The following LRRC7 variants were observed in gnomAD, a reference collection of about 807,000 sequenced individuals.
LRRC7 encodes the protein leucine-rich repeat-containing protein 7.
A neutral mutation model predicts 175.7 loss-of-function variants in LRRC7; 23 were observed. The observed-to-expected ratio is 0.13, with a 90% confidence interval of 0.09 to 0.19. The LOEUF is 0.19. Among genes scored for constraint, LRRC7 ranks in the 10% least tolerant of loss-of-function variants. The pLI, the probability that LRRC7 is intolerant of heterozygous loss-of-function variation, is 1.00. For missense variants in LRRC7, 1,354 were observed against 1,904.7 expected (o/e 0.71, Z 5.38); for synonymous variants, 685 against 680.9 (o/e 1.01, Z -0.09).
At chr1:70,022,212 T>C (rs1164295081) in intron 16 of LRRC7, 1 of 152,198 alleles carries the variant, frequency 6.6e-6, no homozygotes, top group African/African-American at 2.4e-5. Flanking sequence ...AGAGACATCT[T>C]TTTGAACTTG....
At chr1:69,859,065 C>A (rs1684059488) in intron 7 of LRRC7, among the ~76,000 whole-genome samples, 1 of 152,082 alleles carries the variant, frequency 6.6e-6, no homozygotes, top group South Asian at 2.1e-4. Context: ...GGTAACTGAT[C>A]AGGAATTGAA....
At chr1:69,793,836 T>C (rs377312344) in intron 4 of LRRC7, among the ~76,000 whole-genome samples, 2 of 152,134 alleles carry the variant, frequency 1.3e-5, no homozygotes, top group South Asian at 4.1e-4. Context: ...AATTCATAAA[T>C]GAATGATTGT....
intron 1 of LRRC7, among the ~76,000 whole-genome samples, chr1:69,638,722 T>G (rs1653762065): frequency 6.6e-6 from 1 of 151,868 alleles, no homozygotes; most frequent in Non-Finnish European, 1.5e-5. Flanking sequence ...CATAGAGATC[T>G]GTTCAAATGA....
At position 69,882,705 on chromosome 1, in the gene LRRC7, C is replaced by T. The variant is rs189557854; in HGVS notation, c.647+44422C>T. Among the ~76,000 whole-genome samples the T allele has an allele frequency of 6.0e-5, 9 of 150,306 alleles. No individual in the cohort carries two copies. The East Asian group carries it at 1.6e-3, about 26-fold the overall frequency. On this transcript the variant is annotated intron_variant, in intron 7 of 26. Coordinates refer to ENST00000651989, the MANE Select transcript of LRRC7 (RefSeq NM_001370785.2). ...TGTATACATGTGCCATGCTGGTGTG[C>T]TGCACCCACTAACCCGTCATCTAGC...
intron 2 of LRRC7, among the ~76,000 whole-genome samples, chr1:69,704,284 A>G (rs891782632): frequency 1.3e-5 from 2 of 152,020 alleles, no homozygotes; most frequent in African/African-American, 4.8e-5. Context: ...ATAACAAAAT[A>G]AAATGTCTGT....
intron 4 of LRRC7, among the ~76,000 whole-genome samples, chr1:69,815,049 T>C (rs1476644452): frequency 2.0e-5 from 3 of 152,312 alleles, no homozygotes; most frequent in Admixed American, 6.5e-5. Context: ...CTTTCACTTA[T>C]AGCTCATTGG....
At chr1:69,866,727 T>TTTG (rs10639702) in intron 7 of LRRC7, among the ~76,000 whole-genome samples, 57,430 of 151,734 alleles carry the variant, frequency 0.38, 12,845 homozygotes, top group East Asian at 0.55. Flanking sequence ...ATTAATTCAT[T>TTTG]AGCACTGAAT....
At chr1:69,887,849 AGCTGCAGGTCT>A (rs2101633340) in intron 7 of LRRC7, among the ~76,000 whole-genome samples, 1 of 147,560 alleles carries the variant, frequency 6.8e-6, no homozygotes, top group South Asian at 2.2e-4. Context: ...CAGGACCCTC[AGCTGCAGGTCT>A]GTTGGAATAC....
At chr1:70,001,100 T>C (rs972602090) in intron 11 of LRRC7, among the ~76,000 whole-genome samples, 1 of 152,194 alleles carries the variant, frequency 6.6e-6, no homozygotes, top group African/African-American at 2.4e-5. Flanking sequence ...ATCATTTTTG[T>C]TTCCCAGCTC....
At chr1:69,569,036 G>T (rs1645622368) in intron 1 of LRRC7, among the ~76,000 whole-genome samples, 1 of 151,512 alleles carries the variant, frequency 6.6e-6, no homozygotes, top group African/African-American at 2.4e-5. Context: ...TCCCAGAGGT[G>T]TCTGAGGGAT....
Position 69,830,831 on chromosome 1 carries a change from T to C in LRRC7, c.501-3949T>C, listed in dbSNP as rs1052110128. Reference sequence around the variant, plus strand: ...AATAGAAAATGTCAATACATCTTTTTTTATAACCAGCCTGATAAAAACTGA... The same window carrying C: ...AATAGAAAATGTCAATACATCTTTTCTTATAACCAGCCTGATAAAAACTGA... On this transcript the variant is annotated intron_variant, in intron 5 of 26. Coordinates refer to ENST00000651989, the MANE Select transcript of LRRC7 (RefSeq NM_001370785.2). Among the ~76,000 whole-genome samples the C allele has an allele frequency of 2.0e-5, 3 of 151,956 alleles. No individual in the cohort carries two copies. The East Asian group carries it at 5.8e-4, about 29-fold the overall frequency.
At chr1:69,633,327 T>C (rs1273024042) in intron 1 of LRRC7, among the ~76,000 whole-genome samples, 1 of 152,160 alleles carries the variant, frequency 6.6e-6, no homozygotes, top group Non-Finnish European at 1.5e-5. Context: ...TTAATGATTA[T>C]GGAATAACTT....
chr1:69,936,137 G>C (rs1488059943), intron 8 of LRRC7, among the ~76,000 whole-genome samples: 3 of 151,948 alleles, frequency 2.0e-5, no homozygotes, highest in African/African-American at 7.3e-5. Context: ...TTATTTTCTA[G>C]GTACAAAAAC....
chr1:69,952,853 A>C (rs1374992986), intron 8 of LRRC7, among the ~76,000 whole-genome samples: 1 of 151,900 alleles, frequency 6.6e-6, no homozygotes, highest in East Asian at 1.9e-4. Context: ...TTTGGAGAAC[A>C]AAACAACCTC....
rs370370460 is a variant in LRRC7, at chr1:69,858,448, T to C, written c.647+20165T>C. ...TTGTGCACATGTACCCTAGAACTTA[T>C]AGTATAATAATAAAAAAAAATCCAC... On this transcript the variant is annotated intron_variant, in intron 7 of 26. Coordinates refer to ENST00000651989, the MANE Select transcript of LRRC7 (RefSeq NM_001370785.2). 2.0e-4 allele frequency among the ~76,000 whole-genome samples: 30 copies of C among 152,038 alleles called. No individual in the cohort carries two copies. The East Asian group carries it at 4.6e-3, about 24-fold the overall frequency.
At chr1:69,830,919 C>T (rs1680458014) in intron 5 of LRRC7, among the ~76,000 whole-genome samples, 1 of 151,630 alleles carries the variant, frequency 6.6e-6, no homozygotes, top group Non-Finnish European at 1.5e-5. Flanking sequence ...GTCACTGGAA[C>T]CTGAAAAAAT....
intron 1 of LRRC7, among the ~76,000 whole-genome samples, chr1:69,583,727 C>T (rs55876935): frequency 0.19 from 28,662 of 152,068 alleles, 2,975 homozygotes; most frequent in East Asian, 0.36. Flanking sequence ...ACAGATTTGT[C>T]AACAAACTTG....
intron 7 of LRRC7, among the ~76,000 whole-genome samples, chr1:69,865,264 A>T (rs1684784808): frequency 6.6e-6 from 1 of 152,066 alleles, no homozygotes; most frequent in Non-Finnish European, 1.5e-5. Flanking sequence ...TCTGCACAAC[A>T]TGCAGCCAGT....
At chr1:70,068,594 T>C (rs1662148349) in intron 23 of LRRC7, among the ~76,000 whole-genome samples, 1 of 152,176 alleles carries the variant, frequency 6.6e-6, no homozygotes, top group South Asian at 2.1e-4. Context: ...TCTGTTTCTT[T>C]CTTCCTTTAT....
Sources: gnomAD v4.1 joint callset for allele counts (sites outside exome capture counted in the v4.1 genomes callset) on GRCh38, gnomAD v4.1.1 for gene constraint, MANE v1.5 for transcripts, NCBI Gene and HGNC (gene_info 2026-07-23, HGNC 2026-07-21) for gene names.